NALCN: variants seen among roughly 807,000 people sequenced by gnomAD.
The protein encoded by NALCN is sodium leak channel NALCN.
A neutral mutation model predicts 225.3 loss-of-function variants in NALCN; 111 were observed. The ratio of observed to expected loss-of-function variants is 0.49; its 90% CI spans 0.42 to 0.58. The LOEUF (loss-of-function observed/expected upper bound fraction) is 0.58. Among genes scored for constraint, NALCN ranks in the 20% least tolerant of loss-of-function variants. NALCN has a pLI of 0.00. For missense variants in NALCN, 1,378 were observed against 2,202.4 expected (o/e 0.63, Z 7.49); for synonymous variants, 764 against 769.0 (o/e 0.99, Z 0.11).
intron 6 of NALCN, among the ~76,000 whole-genome samples, chr13:101,353,353 G>C (rs1331800122): frequency 6.6e-6 from 1 of 152,144 alleles, no homozygotes; most frequent in Non-Finnish European, 1.5e-5. Context: ...TAGTCTGGCT[G>C]TTACCGCCTT....
At chr13:101,408,555 C>T (rs549729136) in intron 1 of NALCN, among the ~76,000 whole-genome samples, 1 of 152,274 alleles carries the variant, frequency 6.6e-6, no homozygotes, top group Admixed American at 6.5e-5. Flanking sequence ...GAACAGCGGC[C>T]CACTCCCCTG....
At chr13:101,335,193 C>T (rs2045338327) in intron 7 of NALCN, among the ~76,000 whole-genome samples, 1 of 152,148 alleles carries the variant, frequency 6.6e-6, no homozygotes. Context: ...AACAAGAACT[C>T]CTAAACATCT....
chr13:101,262,253 C>A (rs1407905238), intron 10 of NALCN, among the ~76,000 whole-genome samples: 2 of 152,148 alleles, frequency 1.3e-5, no homozygotes, highest in South Asian at 2.1e-4. Flanking sequence ...ACTTTAATAT[C>A]CACCATAGCT....
At chr13:101,309,690 T>C (rs2044272639) in intron 7 of NALCN, among the ~76,000 whole-genome samples, 2 of 152,222 alleles carry the variant, frequency 1.3e-5, no homozygotes, top group Non-Finnish European at 2.9e-5. Flanking sequence ...AATATTTTCA[T>C]CTCAGCCATT....
chr13:101,100,773 A>T lies in NALCN; in HGVS notation c.3162+11T>A. 1 of 1,593,692 alleles carries T rather than the reference A, an allele frequency of 6.3e-7. No homozygotes were observed. The highest frequency in any genetic ancestry group is 8.5e-7 in the Non-Finnish European group (1 of 1,169,744). On this transcript the variant is annotated intron_variant, in intron 27 of 43. Transcript: ENST00000251127. ...AATTTTTATTTCAAAAGACAGAAAG[A>T]TACATCTTACCCTTCTAATAATGTT...
At chr13:101,141,028 A>G (rs1034546986) in intron 17 of NALCN, among the ~76,000 whole-genome samples, 2 of 152,234 alleles carry the variant, frequency 1.3e-5, no homozygotes, top group African/African-American at 4.8e-5. Flanking sequence ...TCATATGTCC[A>G]TATCATAATT....
intron 11 of NALCN, among the ~76,000 whole-genome samples, chr13:101,252,013 C>T (rs1204904744): frequency 6.6e-6 from 1 of 152,176 alleles, no homozygotes; most frequent in African/African-American, 2.4e-5. Flanking sequence ...CAAACACTGA[C>T]TTGGAAATTG....
intron 3 of NALCN, among the ~76,000 whole-genome samples, chr13:101,385,145 T>C (rs2046951812): frequency 1.3e-5 from 2 of 152,312 alleles, no homozygotes; most frequent in South Asian, 4.1e-4. Flanking sequence ...CCTCTCCAGC[T>C]GCCTCCTGTG....
In NALCN at chr13:101,107,546, G is replaced by A. The variant is rs34513106; in HGVS notation, c.2520C>T (p.Val840=). 14,329 of 1,614,104 alleles carry A rather than the reference G, an allele frequency of 8.9e-3. 124 individuals are homozygous for A. Among genetic ancestry groups the A allele is most frequent in the African/African-American group, 0.027 (2,038 of 75,040 alleles). ...HPYFDKPLFI[V]GREHRFRNFC... ...AGTTTCTGAACCTGTGTTCTCGCCC[G>A]ACAATGAACAGTGGCTTATCGAAGT... Residue 840 remains valine, a synonymous_variant, in exon 22 of 44, where the codon GTC becomes GTT. Coordinates refer to ENST00000251127, the MANE Select transcript of NALCN (RefSeq NM_052867.4).
intron 15 of NALCN, among the ~76,000 whole-genome samples, chr13:101,168,448 T>C (rs2038558708): frequency 6.6e-6 from 1 of 152,224 alleles, no homozygotes; most frequent in Admixed American, 6.5e-5. Flanking sequence ...CATTTCTTCT[T>C]TCTCTTGTAT....
At chr13:101,159,986 A>G (rs1274063594) in intron 15 of NALCN, among the ~76,000 whole-genome samples, 1 of 152,016 alleles carries the variant, frequency 6.6e-6, no homozygotes, top group Non-Finnish European at 1.5e-5. Flanking sequence ...ACGGAGTCTC[A>G]TTCTGTCGCC....
At chr13:101,108,225 T>C (rs657969) in intron 20 of NALCN, among the ~76,000 whole-genome samples, 137,070 of 151,570 alleles carry the variant, frequency 0.9, 62,171 homozygotes, top group East Asian at 1. Context: ...CGATTAAATG[T>C]ACATATTTAA....
chr13:101,292,512 ATT>A lies in NALCN; in HGVS notation c.800-148_800-147del. ...AATTGATTAGAATCACATGCAACAC[ATT>A]TTACTGTTCTCTTAAAATTTTAATA... On this transcript the variant is annotated intron_variant, in intron 7 of 43. Coordinates refer to ENST00000251127, the MANE Select transcript of NALCN (RefSeq NM_052867.4). This position sits in a 1 kb window ranked among gnomAD's most constrained non-coding sequence, Gnocchi z 4.3. 1 of 792,388 alleles carries A rather than the reference ATT, an allele frequency of 1.3e-6. No homozygotes were observed. The highest frequency in any genetic ancestry group is 1.9e-6 in the Non-Finnish European group (1 of 530,572). The allele number at this position is 792,388 out of a possible 1,614,324, so 49.1% of individuals were successfully genotyped here. A position where few individuals can be genotyped will look rare whatever the true frequency, so the allele number is the denominator to read the frequency against.
chr13:101,378,690 C>G, intron 3 of NALCN, 37 bp from the exon 4 acceptor site: 1 of 1,528,162 alleles, frequency 6.5e-7, no homozygotes, highest in Non-Finnish European at 9.0e-7. Context: ...TTAGGCAAAG[C>G]AAATATTTTA....
At position 101,111,225 on chromosome 13, in the gene NALCN, C is replaced by A; in HGVS notation, c.2194G>T (p.Ala732Ser). 1 of 1,578,814 alleles carries A rather than the reference C, an allele frequency of 6.3e-7. No homozygotes were observed. ...KETAVTKILR[A>S]CTRQRMLSGS... Reference sequence around the variant, plus strand: ...CTCAGCATGCGCTGTCGGGTGCAAGCTCTAGGAAAAAAAAAGGAGCCCAAG... The same window carrying A: ...CTCAGCATGCGCTGTCGGGTGCAAGATCTAGGAAAAAAAAAGGAGCCCAAG... Residue 732 changes from alanine to serine, a missense_variant and splice_region_variant, in exon 19 of 44, where the codon GCT (alanine) becomes TCT (serine). This residue lies in a region of NALCN where 100 missense variants were observed against 89.4 expected (regional missense o/e 1.12). Transcript: ENST00000251127.
At chr13:101,306,298 G>C (rs2139121922) in intron 7 of NALCN, among the ~76,000 whole-genome samples, 1 of 152,274 alleles carries the variant, frequency 6.6e-6, no homozygotes, top group South Asian at 2.1e-4. Context: ...ATCACGCATT[G>C]CTAGCTCAAT....
intron 1 of NALCN, among the ~76,000 whole-genome samples, chr13:101,405,407 C>T (rs2047589568): frequency 1.3e-5 from 2 of 152,216 alleles, no homozygotes; most frequent in African/African-American, 4.8e-5. Context: ...CCACCTGCCT[C>T]ATGTGTCACC....
chr13:101,095,588 C>T lies in NALCN; in HGVS notation c.3255G>A (p.Trp1085Ter), dbSNP rs765672913. 2 of 1,612,456 alleles carry T rather than the reference C, an allele frequency of 1.2e-6. No homozygotes were observed. The highest frequency in any genetic ancestry group is 2.2e-5 in the South Asian group (2 of 90,640). ...GATATACTTACCAAACACGGGGCAC[C>T]CAAAATCCAGGTTTTTTCTCTCCAG... ...LRPGEKKPGF[W>*]VPRVWANPRN... is the part of the protein sequence containing the mutation. The change falls in exon 28 of 44, where the codon TGG becomes TGA. Residue 1085 changes from tryptophan to a stop codon, truncating the protein, a stop_gained. Coordinates refer to ENST00000251127, the MANE Select transcript of NALCN (RefSeq NM_052867.4). LOFTEE classifies it high-confidence loss of function.
Position 101,107,474 on chromosome 13 carries a change from G to A in NALCN, c.2579+13C>T. The A allele has an allele frequency of 2.5e-6, 4 of 1,613,898 alleles. No individual in the cohort carries two copies. The highest frequency in any genetic ancestry group is 3.4e-6 in the Non-Finnish European group (4 of 1,179,884). On this transcript the variant is annotated intron_variant, in intron 22 of 43. Transcript: ENST00000251127. ...CTCAGGCCAAACACCTGGCTGAAAT[G>A]AAGTGTACTTACGCGTTGAAGCGTG...
Sources: allele counts gnomAD v4.1 joint callset (sites outside exome capture counted in the v4.1 genomes callset), GRCh38; gene constraint gnomAD v4.1.1; regional missense constraint gnomAD v4.1.1; non-coding constraint Gnocchi (gnomAD v3.1); transcripts MANE v1.5; gene names NCBI Gene and HGNC (gene_info 2026-07-23, HGNC 2026-07-21).